Variants in NUP35 observed in about 807,000 individuals in gnomAD.
NUP35 encodes the protein nucleoporin 35, also known as nucleoporin NUP35.
Under a neutral mutation model 41.5 loss-of-function variants are expected in NUP35, and 25 were observed. The ratio of observed to expected loss-of-function variants is 0.60; its 90% CI spans 0.44 to 0.84. The LOEUF is 0.84. Ranked by LOEUF, NUP35 falls within the 40% of genes least tolerant of loss-of-function variation. The pLI, the probability that NUP35 is intolerant of heterozygous loss-of-function variation, is 0.00. For missense variants in NUP35, 396 were observed against 396.6 expected, an observed-to-expected ratio of 1.00 and a Z score of 0.01; for synonymous variants, 149 against 130.7, an observed-to-expected ratio of 1.14 and a Z score of -0.96.
chr2:183,133,425 A>G, intron 3 of NUP35, 141 bp from the exon 4 acceptor site: 3 of 567,568 alleles, frequency 5.3e-6, no homozygotes, highest in South Asian at 4.9e-5. Context: ...TGGGGAAAAA[A>G]GAGTGCCTTT....
chr2:183,160,532 G>T (rs1167441252), intron 8 of NUP35: 2 of 151,896 alleles, frequency 1.3e-5, no homozygotes, highest in African/African-American at 4.8e-5. Flanking sequence ...ACAGGCACGT[G>T]CCACCACGCC....
At chr2:183,140,506 T>C (rs1293626440) in intron 4 of NUP35, among the ~76,000 whole-genome samples, 2 of 152,202 alleles carry the variant, frequency 1.3e-5, no homozygotes, top group Admixed American at 6.5e-5. Context: ...TGGCAATGTT[T>C]ATGTTTTAGT....
upstream of NUP35, chr2:183,124,409 T>C: frequency 6.2e-7 from 1 of 1,614,006 alleles, no homozygotes; most frequent in South Asian, 1.1e-5. Context: ...TCCGCCATTT[T>C]TGAAAATTAA....
chr2:183,124,972 A>G (rs1684390653), intron 1 of NUP35, among the ~76,000 whole-genome samples: 1 of 148,844 alleles, frequency 6.7e-6, no homozygotes, highest in Non-Finnish European at 1.5e-5. Flanking sequence ...TCCTGTTTTG[A>G]CTCCTCTCTC....
intron 2 of NUP35, 31 bp from the exon 3 acceptor site, chr2:183,130,387 C>CTTTTTTT (rs34173657): frequency 8.6e-6 from 11 of 1,273,266 alleles, no homozygotes; most frequent in African/African-American, 5.4e-5. Context: ...AGAAGAATCC[C>CTTTTTTT]TTTTTTTTTT....
At chr2:183,138,269 A>ATATATATATATATTTTTT in intron 4 of NUP35, among the ~76,000 whole-genome samples, 1 of 80,688 alleles carries the variant, frequency 1.2e-5, no homozygotes, top group African/African-American at 6.2e-5. Context: ...ATATATATAT[A>ATATATATATATATTTTTT]TTTTTTTTTT....
Position 183,142,468 on chromosome 2 carries a change from T to C in NUP35, c.397+8845T>C, listed in dbSNP as rs57753086. On this transcript the variant is annotated intron_variant, in intron 4 of 8. Transcript: ENST00000295119. ...TTGTGTGTTTTCTTTTTTTTTTTGG[T>C]GGGGGGTGGTGGGCACTTTTGTTTT... Among the ~76,000 whole-genome samples the C allele has an allele frequency of 8.5e-3, 1,278 of 150,836 alleles. 19 individuals are homozygous for C. Among genetic ancestry groups the C allele is most frequent in the African/African-American group, 0.029 (1,194 of 41,198 alleles).
chr2:183,155,126 T>G (rs1039004847), intron 5 of NUP35, among the ~76,000 whole-genome samples: 2 of 152,144 alleles, frequency 1.3e-5, no homozygotes. Flanking sequence ...CAAGTTGAGA[T>G]TTGGTTGGAG....
At chr2:183,137,372 A>G (rs1330034416) in intron 4 of NUP35, among the ~76,000 whole-genome samples, 1 of 152,110 alleles carries the variant, frequency 6.6e-6, no homozygotes, top group Non-Finnish European at 1.5e-5. Context: ...TGAGTCCAGG[A>G]GTTTTGAGAC....
At chr2:183,144,699 C>T (rs530207547) in intron 4 of NUP35, among the ~76,000 whole-genome samples, 3 of 152,146 alleles carry the variant, frequency 2.0e-5, no homozygotes, top group Admixed American at 2.0e-4. Context: ...GATAGGCACA[C>T]TTTATTTTCA....
intron 4 of NUP35, among the ~76,000 whole-genome samples, chr2:183,138,500 T>G (rs1045247359): frequency 6.6e-6 from 1 of 151,904 alleles, no homozygotes; most frequent in Non-Finnish European, 1.5e-5. Flanking sequence ...TTTAGAATAT[T>G]ATTTCTGGTG....
intron 8 of NUP35, 136 bp downstream of exon 8, chr2:183,159,788 T>G: frequency 1.7e-6 from 1 of 591,070 alleles, no homozygotes; most frequent in Non-Finnish European, 2.7e-6. Context: ...ACCTTTACGC[T>G]TTAAAAGTTT....
chr2:183,121,699 T>A (rs954489994), upstream of NUP35, among the ~76,000 whole-genome samples: 8 of 150,632 alleles, frequency 5.3e-5, no homozygotes, highest in African/African-American at 1.9e-4. Flanking sequence ...GAGTTGGGTG[T>A]GGTGGCATGC....
At chr2:183,159,438 T>G in intron 7 of NUP35, 50 bp from the exon 8 acceptor site, 12 of 1,385,736 alleles carry the variant, frequency 8.7e-6, no homozygotes, top group South Asian at 1.3e-5. Flanking sequence ...TAATACTGGA[T>G]GATATGTATT....
At chr2:183,130,909 A>G in intron 3 of NUP35, 1 of 1,040,014 alleles carries the variant, frequency 9.6e-7, no homozygotes, top group South Asian at 2.4e-5. Flanking sequence ...GAAAGAACAA[A>G]TGAAAATTTA....
chr2:183,128,282 T>C lies in NUP35; in HGVS notation c.41-5T>C, dbSNP rs754170914. 3.1e-6 allele frequency: 5 copies of C among 1,590,922 alleles called. No homozygotes were observed. In the East Asian group the frequency reaches 9.0e-5, roughly 29 times the overall value. ...AGTCCTTAATTTATTTTTTGATTCA[T>C]GTAGGATCTGAACCAATGATGCTGG... On this transcript the variant is annotated splice_polypyrimidine_tract_variant and splice_region_variant and intron_variant, in intron 1 of 8. Transcript: ENST00000295119.
At chr2:183,136,801 C>T (rs1009591328) in intron 4 of NUP35, among the ~76,000 whole-genome samples, 3 of 152,128 alleles carry the variant, frequency 2.0e-5, no homozygotes. Flanking sequence ...TCTTGGAGGC[C>T]TCTTTAGGCT....
intron 5 of NUP35, among the ~76,000 whole-genome samples, chr2:183,156,595 C>T (rs1359354232): frequency 1.3e-5 from 2 of 152,152 alleles, no homozygotes; most frequent in Admixed American, 6.5e-5. Context: ...CCCACCTCGG[C>T]CTCCCAAAGT....
chr2:183,146,156 A>G (rs181987104), intron 4 of NUP35, among the ~76,000 whole-genome samples: 1 of 151,454 alleles, frequency 6.6e-6, no homozygotes, highest in African/African-American at 2.5e-5. Flanking sequence ...GAAACGCTTG[A>G]ACCCAGGAGG....
Sources: gnomAD v4.1 joint callset for allele counts (sites outside exome capture counted in the v4.1 genomes callset) on GRCh38, gnomAD v4.1.1 for gene constraint, MANE v1.5 for transcripts, NCBI Gene and HGNC (gene_info 2026-07-23, HGNC 2026-07-21) for gene names.